WEE2: variants seen among roughly 807,000 people sequenced by gnomAD.
WEE2 encodes the protein WEE2 oocyte meiosis inhibiting kinase.
Under a neutral mutation model 60.1 loss-of-function variants are expected in WEE2, and 50 were observed. The observed-to-expected ratio is 0.83, with a 90% confidence interval of 0.66 to 1.05. The LOEUF is 1.05. Ranked by LOEUF, WEE2 falls within the 50% of genes least tolerant of loss-of-function variation. WEE2 has a pLI of 0.00. For synonymous variants in WEE2, 240 were observed against 241.0 expected, an observed-to-expected ratio of 1.00 and a Z score of 0.04; for missense variants, 631 against 684.3, an observed-to-expected ratio of 0.92 and a Z score of 0.87.
intron 3 of WEE2, among the ~76,000 whole-genome samples, chr7:141,717,256 A>G (rs1584740785): frequency 6.6e-6 from 1 of 152,236 alleles, no homozygotes; most frequent in Non-Finnish European, 1.5e-5. Flanking sequence ...AAATTTTTAA[A>G]GTTTTCTGAA....
At chr7:141,727,492 C>A in intron 10 of WEE2, 46 bp downstream of exon 10, 1 of 1,605,438 alleles carries the variant, frequency 6.2e-7, no homozygotes, top group South Asian at 1.1e-5. Flanking sequence ...CTGAGCACTA[C>A]TCACAATGGT....
rs1189939477 is a variant in WEE2, at chr7:141,711,566, C to T, written c.342+2466C>T. ...TCAGTTCACTGTAAGGACTTCCTGACAGAATCATCTAGAGATAGAAGAGCA... is the reference window on the plus strand; with the variant it reads ...TCAGTTCACTGTAAGGACTTCCTGATAGAATCATCTAGAGATAGAAGAGCA... On this transcript the variant is annotated intron_variant, in intron 1 of 11. Coordinates refer to ENST00000397541, the MANE Select transcript of WEE2 (RefSeq NM_001105558.1). The surrounding 1 kb of genome is among the most constrained non-coding windows in gnomAD (Gnocchi z 4.2). 2.6e-5 allele frequency among the ~76,000 whole-genome samples: 4 copies of T among 152,150 alleles called. No homozygotes were observed. The highest frequency in any genetic ancestry group is 7.2e-5 in the African/African-American group (3 of 41,424).
intron 3 of WEE2, among the ~76,000 whole-genome samples, chr7:141,718,517 T>C (rs73520111): frequency 0.014 from 2,133 of 152,238 alleles, 53 homozygotes; most frequent in African/African-American, 0.049. Context: ...CGGGAGTGGT[T>C]GCTAGACCTG....
chr7:141,723,899 T>A, intron 6 of WEE2, 42 bp from the exon 7 acceptor site: 1 of 1,318,286 alleles, frequency 7.6e-7, no homozygotes. Context: ...GGAAAAAGCT[T>A]AGAAGTCATT....
intron 10 of WEE2, among the ~76,000 whole-genome samples, chr7:141,728,767 A>T (rs1458090433): frequency 6.6e-6 from 1 of 152,172 alleles, no homozygotes; most frequent in Non-Finnish European, 1.5e-5. Context: ...GTGAGTGAGC[A>T]CTACCGCCTG....
intron 10 of WEE2, among the ~76,000 whole-genome samples, chr7:141,728,456 G>T (rs1799060045): frequency 6.6e-6 from 1 of 152,100 alleles, no homozygotes. Flanking sequence ...ATATTTTTCT[G>T]TTCTAGTTTT....
chr7:141,719,835 T>C (rs1300425741), intron 4 of WEE2, among the ~76,000 whole-genome samples: 2 of 152,204 alleles, frequency 1.3e-5, no homozygotes, highest in East Asian at 3.9e-4. Context: ...AAAAAATGAA[T>C]AGATTTGTGG....
At chr7:141,716,928 A>G (rs776796926) in intron 3 of WEE2, among the ~76,000 whole-genome samples, 2 of 152,198 alleles carry the variant, frequency 1.3e-5, no homozygotes, top group Non-Finnish European at 2.9e-5. Context: ...ACCTAAGAAA[A>G]TAATACTGCA....
rs1798991040 is a variant in WEE2 at position 141,725,211 on chromosome 7, G to A, written c.1392+15G>A. The A allele has an allele frequency of 2.5e-6, 4 of 1,604,306 alleles. No homozygotes were observed. The highest frequency in any genetic ancestry group is 2.6e-6 in the Non-Finnish European group (3 of 1,176,110). The stretch of plus-strand genomic sequence containing the variant: ...GTCTGCTCAAGGTGATAGCTCTTAC[G>A]AGATGAACAGAAGATGCAATATCTA... On this transcript the variant is annotated intron_variant, in intron 9 of 11. Transcript: ENST00000397541.
At chr7:141,729,404 C>A in intron 10 of WEE2, 127 bp from the exon 11 acceptor site, 2 of 1,310,278 alleles carry the variant, frequency 1.5e-6, no homozygotes, top group Non-Finnish European at 2.2e-6. Context: ...CTATTCTGTA[C>A]ATAGCTCAGG....
chr7:141,725,282 T>C, intron 9 of WEE2, 86 bp downstream of exon 9: 1 of 1,419,560 alleles, frequency 7.0e-7, no homozygotes, highest in Non-Finnish European at 9.5e-7. Flanking sequence ...AAAATGGAGA[T>C]GCTAGTAGTG....
At position 141,708,729 on chromosome 7, in the gene WEE2, T is replaced by C. The variant is rs772877832; in HGVS notation, c.-30T>C. ...CAGCGTTCCCTTCTGATAGAGCTTTTTGTCTGTGTTGTAAAGCTCTTTGGC... is the reference window on the plus strand; with the variant it reads ...CAGCGTTCCCTTCTGATAGAGCTTTCTGTCTGTGTTGTAAAGCTCTTTGGC... On this transcript the variant is annotated 5_prime_UTR_variant, in exon 1 of 12. Transcript: ENST00000397541. The C allele has an allele frequency of 3.8e-6, 6 of 1,575,420 alleles. No homozygotes were observed. Among genetic ancestry groups the C allele is most frequent in the South Asian group, 3.4e-5 (3 of 87,600 alleles).
At chr7:141,710,100 T>C (rs978590596) in intron 1 of WEE2, among the ~76,000 whole-genome samples, 3 of 152,228 alleles carry the variant, frequency 2.0e-5, no homozygotes, top group Non-Finnish European at 2.9e-5. Context: ...TGTCTATCTC[T>C]GGGTTTTTCA....
rs376297784 is a variant in WEE2 at position 141,709,651 on chromosome 7, A to G, written c.342+551A>G. On this transcript the variant is annotated intron_variant, in intron 1 of 11. Transcript: ENST00000397541. ...ATCTCTTTGCTGCTGCTCCTCCCAG[A>G]AACAACTCCTCTCCCCTCCTTGGTC... Among the ~76,000 whole-genome samples the G allele has an allele frequency of 9.8e-5, 15 of 152,316 alleles. 1 individual carries two copies. Among genetic ancestry groups the G allele is most frequent in the African/African-American group, 3.6e-4 (15 of 41,580 alleles).
intron 10 of WEE2, 55 bp downstream of exon 10, chr7:141,727,501 G>A: frequency 6.3e-7 from 1 of 1,592,768 alleles, no homozygotes; most frequent in Non-Finnish European, 8.6e-7. Flanking sequence ...ACTCACAATG[G>A]TATGACTAGT....
At chr7:141,709,692 C>G (rs965737176) in intron 1 of WEE2, among the ~76,000 whole-genome samples, 4 of 152,176 alleles carry the variant, frequency 2.6e-5, no homozygotes, top group African/African-American at 9.7e-5. Flanking sequence ...GAAGAACCTC[C>G]AGGTTCTTCT....
intron 7 of WEE2, 46 bp downstream of exon 7, chr7:141,724,094 T>C (rs1798968885): frequency 1.3e-6 from 2 of 1,573,330 alleles, no homozygotes; most frequent in Non-Finnish European, 1.7e-6. Context: ...TCCTATAAAA[T>C]TTATAGTGAT....
intron 6 of WEE2, 127 bp from the exon 7 acceptor site, chr7:141,723,814 C>T (rs1198549810): frequency 3.2e-6 from 2 of 621,170 alleles, no homozygotes; most frequent in African/African-American, 3.8e-5. Flanking sequence ...AAAAAAAAAC[C>T]TTAGTAGTCT....
chr7:141,730,266 T>TA, intron 11 of WEE2, 29 bp from the exon 12 acceptor site: 1 of 1,611,266 alleles, frequency 6.2e-7, no homozygotes, highest in Non-Finnish European at 8.5e-7. Flanking sequence ...ATCAATAACT[T>TA]ATTTACTTCT....
Sources: allele counts gnomAD v4.1 joint callset (sites outside exome capture counted in the v4.1 genomes callset), GRCh38; gene constraint gnomAD v4.1.1; non-coding constraint Gnocchi (gnomAD v3.1); transcripts MANE v1.5; gene names NCBI Gene and HGNC (gene_info 2026-07-23, HGNC 2026-07-21).